UGT1A10: variants seen among roughly 807,000 people sequenced by gnomAD.
UGT1A10 encodes UDP-glucuronosyltransferase 1A10.
In UGT1A10, 49 loss-of-function variants were observed where a neutral mutation model predicts 45.8. The ratio of observed to expected loss-of-function variants is 1.07; its 90% CI spans 0.85 to 1.36. UGT1A10 has a LOEUF of 1.36. UGT1A10 is among the 40% of genes most tolerant of loss of function. The pLI, the probability that UGT1A10 is intolerant of heterozygous loss-of-function variation, is 0.00. For missense variants in UGT1A10, 745 were observed against 668.6 expected (o/e 1.11, Z -1.26); for synonymous variants, 284 against 249.7 (o/e 1.14, Z -1.29).
At chr2:233,753,907 C>G (rs1487385981) in intron 1 of UGT1A10, among the ~76,000 whole-genome samples, 1 of 152,188 alleles carries the variant, frequency 6.6e-6, no homozygotes, top group South Asian at 2.1e-4. Context: ...GCTTCTTACA[C>G]CGATTTCAGC....
chr2:233,735,637 A>G (rs2078674460), intron 1 of UGT1A10, among the ~76,000 whole-genome samples: 1 of 152,170 alleles, frequency 6.6e-6, no homozygotes, highest in African/African-American at 2.4e-5. Context: ...ATGTTTTTGC[A>G]GTGGCTGGTA....
At chr2:233,752,428 G>C (rs538581016) in intron 1 of UGT1A10, 1 of 152,028 alleles carries the variant, frequency 6.6e-6, no homozygotes, top group African/African-American at 2.4e-5. Context: ...CTGATTTATC[G>C]AACCCTTTTA....
At chr2:233,696,056 A>T (rs1035771906) in intron 1 of UGT1A10, among the ~76,000 whole-genome samples, 12 of 152,254 alleles carry the variant, frequency 7.9e-5, no homozygotes, top group Non-Finnish European at 1.6e-4. Flanking sequence ...AATGTAAATT[A>T]GTACAGCCAC....
At chr2:233,731,784 G>T (rs186887277) in intron 1 of UGT1A10, among the ~76,000 whole-genome samples, 1 of 152,042 alleles carries the variant, frequency 6.6e-6, no homozygotes, top group Non-Finnish European at 1.5e-5. Context: ...ATTTATAATC[G>T]TTTGGGTATA....
chr2:233,681,210 C>G (rs1421439144), intron 1 of UGT1A10, among the ~76,000 whole-genome samples: 1 of 151,926 alleles, frequency 6.6e-6, no homozygotes, highest in Non-Finnish European at 1.5e-5. Flanking sequence ...ATGCCAATTT[C>G]TTTCTGGGCA....
chr2:233,759,597 C>T (rs1299391040), intron 1 of UGT1A10, among the ~76,000 whole-genome samples: 1 of 140,706 alleles, frequency 7.1e-6, no homozygotes, highest in Admixed American at 7.3e-5. Flanking sequence ...CCCCCACCCC[C>T]GACCCGCCCC....
intron 1 of UGT1A10, among the ~76,000 whole-genome samples, chr2:233,762,202 T>C (rs1698001296): frequency 2.0e-5 from 3 of 152,160 alleles, no homozygotes; most frequent in Admixed American, 1.3e-4. Flanking sequence ...GGTCTGCATG[T>C]ATTTGGCGCC....
At chr2:233,641,792 A>G (rs2073459839) in intron 1 of UGT1A10, among the ~76,000 whole-genome samples, 1 of 152,108 alleles carries the variant, frequency 6.6e-6, no homozygotes, top group Admixed American at 6.6e-5. Flanking sequence ...CTGGGGTAAA[A>G]GGTTTTTTTT....
chr2:233,706,195 T>A lies in UGT1A10; in HGVS notation c.856-60839T>A, dbSNP rs189206835. Among the ~76,000 whole-genome samples the A allele has an allele frequency of 5.9e-5, 9 of 152,294 alleles. No individual in the cohort carries two copies. The East Asian group carries it at 1.7e-3, about 29-fold the overall frequency. ...GTGGTGTGTCTGCCCAGGCTGCTCCTCCACAAAGCTGGCCCAGGCAGGGGC... is the reference window on the plus strand; with the variant it reads ...GTGGTGTGTCTGCCCAGGCTGCTCCACCACAAAGCTGGCCCAGGCAGGGGC... On this transcript the variant is annotated intron_variant, in intron 1 of 4. Transcript: ENST00000344644.
At chr2:233,694,006 G>A in intron 1 of UGT1A10, 1 of 1,466,280 alleles carries the variant, frequency 6.8e-7, no homozygotes, top group Non-Finnish European at 9.2e-7. Flanking sequence ...GCTCGGAGCA[G>A]CGGGAACACA....
intron 1 of UGT1A10, among the ~76,000 whole-genome samples, chr2:233,726,446 C>T (rs1475095997): frequency 6.6e-6 from 1 of 152,204 alleles, no homozygotes; most frequent in African/African-American, 2.4e-5. Context: ...ATTCTTTCCA[C>T]TGAATGTAAG....
chr2:233,715,458 T>C (rs1405071457), intron 1 of UGT1A10, among the ~76,000 whole-genome samples: 3 of 152,180 alleles, frequency 2.0e-5, no homozygotes, highest in Admixed American at 6.5e-5. Context: ...ATTTTTTGAA[T>C]TCCCCATCTC....
In UGT1A10 at chr2:233,760,681, C is replaced by T. The variant is rs769242961; in HGVS notation, c.856-6353C>T. 2 of 1,614,246 alleles carry T rather than the reference C, an allele frequency of 1.2e-6. No homozygotes were observed. The highest frequency in any genetic ancestry group is 1.7e-6 in the Non-Finnish European group (2 of 1,180,048). Reference sequence around the variant, plus strand: ...TTTGTCTGGCTGTTCCCACTTACTGCACAACAAGGAGCTCATGGCCTCCCT... The same window carrying T: ...TTTGTCTGGCTGTTCCCACTTACTGTACAACAAGGAGCTCATGGCCTCCCT... On this transcript the variant is annotated intron_variant, in intron 1 of 4. Coordinates refer to ENST00000344644, the MANE Select transcript of UGT1A10 (RefSeq NM_019075.4).
intron 1 of UGT1A10, among the ~76,000 whole-genome samples, chr2:233,716,620 A>T (rs1358679333): frequency 6.6e-6 from 1 of 152,166 alleles, no homozygotes; most frequent in East Asian, 1.9e-4. Flanking sequence ...GGTTTATTCT[A>T]GTGAAGTTTT....
chr2:233,663,190 G>A (rs896038635), intron 1 of UGT1A10, among the ~76,000 whole-genome samples: 2 of 152,162 alleles, frequency 1.3e-5, no homozygotes, highest in African/African-American at 4.8e-5. Flanking sequence ...CACCTTGCCT[G>A]CTGCCTAGAC....
At position 233,767,074 on chromosome 2, in the gene UGT1A10, T is replaced by C. The variant is rs747099261; in HGVS notation, c.896T>C (p.Ile299Thr). Residue 299 changes from isoleucine to threonine, a missense_variant, in exon 2 of 5, where the codon ATT becomes ACT. Transcript: ENST00000344644. The part of the protein sequence containing the change: ...AYINASGEHG[I>T]VVFSLGSMVS... ...ATTAATGCTTCTGGAGAACATGGAA[T>C]TGTGGTTTTCTCTTTGGGATCAATG... is the stretch of plus-strand genomic sequence containing the variant. 2.5e-6 allele frequency: 4 copies of C among 1,614,130 alleles called. No individual in the cohort carries two copies. The highest frequency in any genetic ancestry group is 1.1e-5 in the South Asian group (1 of 91,076).
At chr2:233,718,701 G>A in intron 1 of UGT1A10, 1 of 1,599,658 alleles carries the variant, frequency 6.3e-7, no homozygotes, top group Non-Finnish European at 8.5e-7. Context: ...AGGGCACTTT[G>A]TCTTCCAATT....
intron 1 of UGT1A10, chr2:233,755,371 G>A (rs1695886794): frequency 2.8e-6 from 1 of 358,288 alleles, no homozygotes; most frequent in South Asian, 2.2e-5. Context: ...CCGCCTGGAG[G>A]GCCGCCCCTT....
At chr2:233,709,335 C>T (rs1308600702) in intron 1 of UGT1A10, among the ~76,000 whole-genome samples, 1 of 152,154 alleles carries the variant, frequency 6.6e-6, no homozygotes, top group African/African-American at 2.4e-5. Flanking sequence ...ACTAGTTTGT[C>T]ATATAAACCT....
Sources: gnomAD v4.1 joint callset for allele counts (sites outside exome capture counted in the v4.1 genomes callset) on GRCh38, gnomAD v4.1.1 for gene constraint, MANE v1.5 for transcripts, NCBI Gene and HGNC (gene_info 2026-07-23, HGNC 2026-07-21) for gene names.